The following RNF213 variants were observed in gnomAD, a reference collection of about 807,000 sequenced individuals.
RNF213 encodes E3 ubiquitin-protein ligase RNF213.
A neutral mutation model predicts 514.4 loss-of-function variants in RNF213; 341 were observed. The ratio of observed to expected loss-of-function variants is 0.66; its 90% CI spans 0.61 to 0.73. RNF213 has a LOEUF of 0.73. RNF213 is among the 30% of genes least tolerant of loss of function. The probability of loss-of-function intolerance (pLI) is 0.00; values close to 1 mark genes in which losing one functional copy is unlikely to be tolerated. For missense variants in RNF213, 5,767 were observed against 6,615.6 expected (o/e 0.87, Z 4.45); for synonymous variants, 2,655 against 2,658.2 (o/e 1.00, Z 0.04).
chr17:80,369,919 A>G, intron 46 of RNF213, 52 bp downstream of exon 46: 1 of 1,259,468 alleles, frequency 7.9e-7, no homozygotes, highest in Non-Finnish European at 1.2e-6. Context: ...TTTTCTCTTC[A>G]TCGCAGCGTT....
At chr17:80,298,763 G>T (rs937134699) in intron 11 of RNF213, 2 of 443,378 alleles carry the variant, frequency 4.5e-6, no homozygotes, top group Non-Finnish European at 8.3e-6. Flanking sequence ...TCAGGAGTTC[G>T]AGACCAGCCT....
chr17:80,337,825 C>G lies in RNF213; in HGVS notation c.4669-8C>G. Reference sequence around the variant, plus strand: ...AAGAAAGTGACTTCTAACCTATGCTCTTCACAGATTTCCCCAGACACGGTT... The same window carrying G: ...AAGAAAGTGACTTCTAACCTATGCTGTTCACAGATTTCCCCAGACACGGTT... On this transcript the variant is annotated splice_region_variant and splice_polypyrimidine_tract_variant and intron_variant, in intron 24 of 67. Coordinates refer to ENST00000582970, the MANE Select transcript of RNF213 (RefSeq NM_001256071.3). The G allele has an allele frequency of 6.5e-7, 1 of 1,536,956 alleles. No homozygotes were observed. Among genetic ancestry groups the G allele is most frequent in the Non-Finnish European group, 8.7e-7 (1 of 1,146,656 alleles).
chr17:80,352,027 GTA>G (rs971023731), intron 32 of RNF213: 1 of 400,934 alleles, frequency 2.5e-6, no homozygotes, highest in Non-Finnish European at 4.6e-6. Context: ...GCTAATTTTT[GTA>G]TGTTTAGTAG....
At position 80,348,094 on chromosome 17, in the gene RNF213, G is replaced by A. The variant is rs2078375907; in HGVS notation, c.9759G>A (p.Glu3253=). 6.2e-7 allele frequency: 1 copy of A among 1,614,170 alleles called. No homozygotes were observed. Among genetic ancestry groups the A allele is most frequent in the Middle Eastern group, 1.6e-4 (1 of 6,062 alleles). The change falls in exon 29 of 68, where the codon GAG becomes GAA. Residue 3253 remains glutamate (E), a synonymous_variant. Transcript: ENST00000582970. ...AACTTCACCAGAAGGTGTCTGAGGAGGCCAAATCGATCCTGCTGAACTGCG... is the reference window on the plus strand; with the variant it reads ...AACTTCACCAGAAGGTGTCTGAGGAAGCCAAATCGATCCTGCTGAACTGCG... ...TEELHQKVSE[E]AKSILLNCAT...
At chr17:80,265,767 C>T (rs2145087939) in intron 2 of RNF213, among the ~76,000 whole-genome samples, 1 of 152,306 alleles carries the variant, frequency 6.6e-6, no homozygotes, top group East Asian at 1.9e-4. Flanking sequence ...AGGGCGTCTG[C>T]TGTTAAAGTG....
chr17:80,375,651 C>G, intron 50 of RNF213, 109 bp from the exon 51 acceptor site: 1 of 772,144 alleles, frequency 1.3e-6, no homozygotes, highest in Non-Finnish European at 2.3e-6. Flanking sequence ...TGCAGTGAGC[C>G]GAGATCATGC....
chr17:80,267,756 A>C (rs561963797), intron 2 of RNF213, among the ~76,000 whole-genome samples: 1 of 152,120 alleles, frequency 6.6e-6, no homozygotes. Flanking sequence ...GAGAAGCTGC[A>C]GTAAGTTCTC....
chr17:80,389,483 G>A (rs1254138702), intron 65 of RNF213, 116 bp downstream of exon 65: 10 of 913,396 alleles, frequency 1.1e-5, no homozygotes, highest in Non-Finnish European at 1.8e-5. Context: ...AAAGGATGGG[G>A]AGACAAGAAC....
intron 19 of RNF213, 113 bp downstream of exon 19, chr17:80,328,102 A>G: frequency 7.9e-7 from 1 of 1,273,794 alleles, no homozygotes; most frequent in East Asian, 2.5e-5. Flanking sequence ...TAGCCTTGAT[A>G]ATGAGTATCT....
At position 80,383,760 on chromosome 17, in the gene RNF213, A is replaced by G. The variant is rs1555680054; in HGVS notation, c.14154A>G (p.Ile4718Met). The G allele has an allele frequency of 1.2e-6, 2 of 1,614,104 alleles. No individual in the cohort carries two copies. The highest frequency in any genetic ancestry group is 1.1e-5 in the South Asian group (1 of 91,080). Residue 4718 changes from isoleucine to methionine, a missense_variant, in exon 59 of 68, where the codon ATA becomes ATG. By Grantham distance (10) the Ile-to-Met change is conservative. Coordinates refer to ENST00000582970, the MANE Select transcript of RNF213 (RefSeq NM_001256071.3). ...RISSNPVAKIIYGDPVTFLPH... is the reference protein window; with the variant it reads ...RISSNPVAKIMYGDPVTFLPH... ...GCTCTAACCCTGTGGCCAAAATAAT[A>G]TATGGTGACCCAGTGACCTTCCTGC...
intron 17 of RNF213, 36 bp downstream of exon 17, chr17:80,319,348 C>G: frequency 1.2e-6 from 2 of 1,614,240 alleles, no homozygotes; most frequent in Non-Finnish European, 1.7e-6. Flanking sequence ...CGGATTCGGG[C>G]TCACAGCTGT....
intron 32 of RNF213, chr17:80,352,106 G>C: frequency 3.5e-6 from 1 of 283,852 alleles, no homozygotes; most frequent in Non-Finnish European, 6.8e-6. Flanking sequence ...GCTCGCCCCA[G>C]CCTCCCAAAG....
Position 80,347,110 on chromosome 17 carries a change from G to T in RNF213, c.8775G>T (p.Gln2925His), listed in dbSNP as rs1213243072. 6.2e-7 allele frequency: 1 copy of T among 1,613,956 alleles called. No homozygotes were observed. The highest frequency in any genetic ancestry group is 8.5e-7 in the Non-Finnish European group (1 of 1,180,038). The change falls in exon 29 of 68, where the codon CAG (glutamine) becomes CAT (histidine). Residue 2925 changes from glutamine (Q) to histidine (H), a missense_variant. Around this residue, in one of 13 missense-constraint regions of RNF213, gnomAD observed 919 missense variants for 1,121.0 expected, o/e 0.82. Transcript: ENST00000582970. This position sits in a 1 kb window ranked among gnomAD's most constrained non-coding sequence, Gnocchi z 7.2. ...KGICSSDILV[Q>H]DRVQGYFASF... ...TCTGCTCCTCAGACATCCTCGTCCA[G>T]GACCGAGTCCAAGGGTACTTTGCGT...
At position 80,274,099 on chromosome 17, in the gene RNF213, G is replaced by A. The variant is rs138876971; in HGVS notation, c.261+695G>A. ...CTTCGGGGCAGGGACCTGAGCGTCC[G>A]CTGGGTGCGTGTCTTGCGCTTCTGT... On this transcript the variant is annotated intron_variant, in intron 3 of 67. Coordinates refer to ENST00000582970, the MANE Select transcript of RNF213 (RefSeq NM_001256071.3). 2.1e-3 allele frequency among the ~76,000 whole-genome samples: 315 copies of A among 152,206 alleles called. 3 individuals are homozygous for A. The highest frequency in any genetic ancestry group is 6.9e-3 in the African/African-American group (288 of 41,530).
At position 80,260,877 on chromosome 17, in the gene RNF213, G is replaced by A. The variant is rs1202943217; in HGVS notation, c.-134G>A. The A allele has an allele frequency of 6.7e-6, 1 of 150,364 alleles. No individual in the cohort carries two copies. The highest frequency in any genetic ancestry group is 1.5e-5 in the Non-Finnish European group (1 of 67,342). 9.3% of individuals were successfully genotyped at this position (150,364 alleles called of 1,614,324 possible). A position where few individuals can be genotyped will look rare whatever the true frequency, so the allele number is the denominator to read the frequency against. On this transcript the variant is annotated 5_prime_UTR_variant, in exon 1 of 68. Transcript: ENST00000582970. ...GTGACCCGAGGGGCGACAGCGCGCGGCAGGCGGCGAGCTCGGGGGCCGCAG... is the reference window on the plus strand; with the variant it reads ...GTGACCCGAGGGGCGACAGCGCGCGACAGGCGGCGAGCTCGGGGGCCGCAG...
chr17:80,342,809 G>A (rs8080730), intron 26 of RNF213, among the ~76,000 whole-genome samples: 84,224 of 148,158 alleles, frequency 0.57, 24,655 homozygotes, highest in Non-Finnish European at 0.64. Context: ...TCACCCTAAC[G>A]ATGACAACTG....
intron 3 of RNF213, among the ~76,000 whole-genome samples, chr17:80,279,118 G>C (rs75587883): frequency 0.011 from 1,728 of 152,352 alleles, 30 homozygotes; most frequent in African/African-American, 0.039. Context: ...TGTTTTGCTA[G>C]TGGTGAATTT....
chr17:80,302,419 A>G (rs1377566838), intron 11 of RNF213, among the ~76,000 whole-genome samples: 1 of 152,248 alleles, frequency 6.6e-6, no homozygotes, highest in Non-Finnish European at 1.5e-5. Context: ...TACATAGTAT[A>G]CATTGTAGAC....
At position 80,372,039 on chromosome 17, in the gene RNF213, G is replaced by A. The variant is rs549924308; in HGVS notation, c.12537+54G>A. 3.5e-5 allele frequency: 33 copies of A among 946,878 alleles called. No homozygotes were observed. The African/African-American group carries it at 4.7e-4, about 13-fold the overall frequency. 58.7% of individuals were successfully genotyped at this position (946,878 alleles called of 1,614,324 possible). ...CTTTTGGAAACTATCTGAACCACAT[G>A]GTTTAAAATTTACAGAATATAATTT... is the stretch of plus-strand genomic sequence containing the variant. On this transcript the variant is annotated intron_variant, in intron 47 of 67. Coordinates refer to ENST00000582970, the MANE Select transcript of RNF213 (RefSeq NM_001256071.3).
Sources: gnomAD v4.1 joint callset for allele counts (sites outside exome capture counted in the v4.1 genomes callset) on GRCh38, gnomAD v4.1.1 for gene constraint, gnomAD v4.1.1 regional missense constraint, Gnocchi (gnomAD v3.1) non-coding constraint, MANE v1.5 for transcripts, NCBI Gene and HGNC (gene_info 2026-07-23, HGNC 2026-07-21) for gene names.